Variants in KIRREL1 observed in about 807,000 individuals in gnomAD.
The protein encoded by KIRREL1 is kin of IRRE-like protein 1.
Under a neutral mutation model 83.3 loss-of-function variants are expected in KIRREL1, and 25 were observed. The ratio of observed to expected loss-of-function variants is 0.30; its 90% CI spans 0.22 to 0.42. KIRREL1 has a LOEUF of 0.42. KIRREL1 is among the 10% of genes least tolerant of loss of function. The pLI is 1.00. For missense variants in KIRREL1, 812 were observed against 1,032.3 expected (o/e 0.79, Z 2.92); for synonymous variants, 388 against 410.4 (o/e 0.95, Z 0.66).
chr1:158,027,896 G>A (rs1660216971), intron 1 of KIRREL1, among the ~76,000 whole-genome samples: 1 of 152,160 alleles, frequency 6.6e-6, no homozygotes, highest in Admixed American at 6.5e-5. Flanking sequence ...TTGACCTTCA[G>A]GAAGAATTAA....
intron 3 of KIRREL1, among the ~76,000 whole-genome samples, chr1:158,080,811 C>G (rs192412729): frequency 2.0e-5 from 3 of 152,200 alleles, no homozygotes; most frequent in South Asian, 2.1e-4. Context: ...AAACACCCTG[C>G]CACCTGCAGC....
chr1:158,048,447 T>C (rs527710526), intron 1 of KIRREL1, among the ~76,000 whole-genome samples: 1 of 152,270 alleles, frequency 6.6e-6, no homozygotes, highest in East Asian at 1.9e-4. Context: ...GAAACAAGAC[T>C]AGGAAAGGCG....
chr1:158,044,723 T>A (rs1391003231), intron 1 of KIRREL1, among the ~76,000 whole-genome samples: 2 of 152,154 alleles, frequency 1.3e-5, no homozygotes, highest in Non-Finnish European at 2.9e-5. Context: ...GGTCTCGAAC[T>A]CCTGGCCTCA....
At chr1:158,043,553 G>C (rs1660698781) in intron 1 of KIRREL1, among the ~76,000 whole-genome samples, 1 of 152,234 alleles carries the variant, frequency 6.6e-6, no homozygotes, top group South Asian at 2.1e-4. Context: ...TTGAGGGACA[G>C]CTTGGGAAGT....
chr1:158,093,634 G>A lies in KIRREL1; in HGVS notation c.1591G>A (p.Val531Met), dbSNP rs1446417206. 4 of 1,614,070 alleles carry A rather than the reference G, an allele frequency of 2.5e-6. No homozygotes were observed. The highest frequency in any genetic ancestry group is 4.5e-5 in the East Asian group (2 of 44,888). Reference sequence around the variant, plus strand: ...CTCTCCCGTCCCAGGTCGCAAAGACGTGACCCTGAGGAAGCTGGATATCAA... The same window carrying A: ...CTCTCCCGTCCCAGGTCGCAAAGACATGACCCTGAGGAAGCTGGATATCAA... ...YRRRKGSRKD[V>M]TLRKLDIKVE... Residue 531 changes from valine to methionine, a missense_variant, in exon 13 of 15, where the codon GTG (valine) becomes ATG (methionine). Physicochemically the swap from Val to Met is conservative, Grantham distance 21. Coordinates refer to ENST00000359209, the MANE Select transcript of KIRREL1 (RefSeq NM_018240.7).
At chr1:158,039,234 G>T (rs1295276066) in intron 1 of KIRREL1, among the ~76,000 whole-genome samples, 1 of 152,184 alleles carries the variant, frequency 6.6e-6, no homozygotes, top group Admixed American at 6.5e-5. Flanking sequence ...GCTTGCCATA[G>T]AATTGTCCAC....
intron 1 of KIRREL1, among the ~76,000 whole-genome samples, chr1:158,050,687 T>C (rs577805492): frequency 2.6e-5 from 4 of 152,134 alleles, no homozygotes; most frequent in South Asian, 4.2e-4. Flanking sequence ...TGGCACCTGA[T>C]TAGAAGTCCA....
At chr1:158,045,283 G>T (rs1660749099) in intron 1 of KIRREL1, among the ~76,000 whole-genome samples, 1 of 152,172 alleles carries the variant, frequency 6.6e-6, no homozygotes, top group Non-Finnish European at 1.5e-5. Context: ...GGGGCTGTGG[G>T]AACGCCCAGA....
intron 1 of KIRREL1, among the ~76,000 whole-genome samples, chr1:158,023,035 C>T (rs1304526561): frequency 6.6e-6 from 1 of 152,234 alleles, no homozygotes; most frequent in Non-Finnish European, 1.5e-5. Flanking sequence ...GTTTTCTCCT[C>T]TCCACAGGTT....
At chr1:158,093,142 C>T (rs1277241097) in intron 11 of KIRREL1, among the ~76,000 whole-genome samples, 197 bp from the exon 12 acceptor site, 3 of 152,156 alleles carry the variant, frequency 2.0e-5, no homozygotes, top group Non-Finnish European at 4.4e-5. Context: ...AGACCAAAAT[C>T]CAACCACAAT....
At chr1:158,042,953 T>G (rs1205508867) in intron 1 of KIRREL1, among the ~76,000 whole-genome samples, 1 of 146,402 alleles carries the variant, frequency 6.8e-6, no homozygotes, top group Non-Finnish European at 1.5e-5. Flanking sequence ...CCGGGCGTGG[T>G]GGCAGGCACC....
intron 1 of KIRREL1, among the ~76,000 whole-genome samples, chr1:158,023,695 A>ACATT (rs1258957276): frequency 6.6e-6 from 1 of 152,192 alleles, no homozygotes; most frequent in East Asian, 1.9e-4. Flanking sequence ...TACTGCTCTA[A>ACATT]CATTCAGTGT....
rs1017870799 is a variant in KIRREL1 at position 158,097,790 on chromosome 1, C to T, written c.*2670C>T. On this transcript the variant is annotated 3_prime_UTR_variant, in exon 15 of 15. Transcript: ENST00000359209. ...CTCAGTAGTTGGTGATCCTGATCAC[C>T]TTTGGTGGCTTGTTTTAGTGGAAAG... The T allele has an allele frequency of 5.3e-5, 8 of 152,260 alleles. No homozygotes were observed. Among genetic ancestry groups the T allele is most frequent in the African/African-American group, 1.9e-4 (8 of 41,424 alleles). The allele number at this position is 152,260 out of a possible 1,614,324, so 9.4% of individuals were successfully genotyped here.
intron 1 of KIRREL1, among the ~76,000 whole-genome samples, chr1:158,043,155 C>T (rs533352563): frequency 1.4e-4 from 21 of 151,092 alleles, no homozygotes; most frequent in African/African-American, 4.1e-4. Flanking sequence ...ACACCTACTG[C>T]GAGGAAGCAG....
Position 157,998,774 on chromosome 1 carries a change from T to A in KIRREL1, c.52+5046T>A, listed in dbSNP as rs540057107. On this transcript the variant is annotated intron_variant, in intron 1 of 14. Transcript: ENST00000359209. The stretch of plus-strand genomic sequence containing the variant: ...GCCTGGGGAGGCTTTCAACCCTCCT[T>A]CTTAGCCTGTGCCCTGGGGAACTGC... Among the ~76,000 whole-genome samples, 83 of 152,334 alleles carry A rather than the reference T, an allele frequency of 5.4e-4. 1 individual carries two copies. Among genetic ancestry groups the A allele is most frequent in the African/African-American group, 1.9e-3 (81 of 41,572 alleles).
intron 1 of KIRREL1, among the ~76,000 whole-genome samples, chr1:158,040,742 G>A (rs139548545): frequency 2.2e-3 from 339 of 152,302 alleles, no homozygotes; most frequent in Middle Eastern, 0.01. Flanking sequence ...TAATGAAAAG[G>A]CTGGTCTATT....
At chr1:158,068,823 C>T (rs1661428212) in intron 1 of KIRREL1, among the ~76,000 whole-genome samples, 1 of 146,910 alleles carries the variant, frequency 6.8e-6, no homozygotes, top group Admixed American at 6.8e-5. Context: ...AAGAGTCCTG[C>T]GGGGGTGGGG....
intron 1 of KIRREL1, among the ~76,000 whole-genome samples, chr1:158,068,265 A>T (rs1661409791): frequency 6.6e-6 from 1 of 152,116 alleles, no homozygotes; most frequent in East Asian, 1.9e-4. Flanking sequence ...GCCGTTTGTC[A>T]TTTCTCTCTC....
chr1:158,084,567 T>A lies in KIRREL1; in HGVS notation c.498T>A (p.Ala166=). The part of the protein sequence containing the change: ...WFRDGTQQEG[A]VASTELLKDG... Reference sequence around the variant, plus strand: ...GGGACGGGACGCAGCAGGAGGGCGCTGTGGCCAGCACGGTGAGCTCCAGCC... The same window carrying A: ...GGGACGGGACGCAGCAGGAGGGCGCAGTGGCCAGCACGGTGAGCTCCAGCC... Residue 166 remains alanine (A), a synonymous_variant, in exon 4 of 15, where the codon GCT becomes GCA. Transcript: ENST00000359209. 6.4e-7 allele frequency: 1 copy of A among 1,551,670 alleles called. No individual in the cohort carries two copies. Among genetic ancestry groups the A allele is most frequent in the Middle Eastern group, 1.7e-4 (1 of 5,992 alleles).
Sources: gnomAD v4.1 joint callset for allele counts (sites outside exome capture counted in the v4.1 genomes callset) on GRCh38, gnomAD v4.1.1 for gene constraint, MANE v1.5 for transcripts, NCBI Gene and HGNC (gene_info 2026-07-23, HGNC 2026-07-21) for gene names.